Variants in CENPW observed in about 807,000 individuals in gnomAD.
CENPW encodes the protein centromere protein W, also known as cancer-up-regulated gene 2 protein.
CENPW carries 3 observed loss-of-function variants against 11.1 expected under a neutral mutation model. That is an observed-to-expected ratio of 0.27 (90% CI 0.12 to 0.70). The LOEUF is 0.70. CENPW is among the 30% of genes least tolerant of loss of function. CENPW has a pLI of 0.77. For missense variants in CENPW, 100 were observed against 105.6 expected, an observed-to-expected ratio of 0.95 and a Z score of 0.23; for synonymous variants, 38 against 42.0, an observed-to-expected ratio of 0.91 and a Z score of 0.37.
At chr6:126,392,523 G>A in the CENPW span, among the ~76,000 whole-genome samples, 6 of 151,866 alleles carry the variant, frequency 4.0e-5, no homozygotes, top group Non-Finnish European at 8.8e-5. Flanking sequence ...AAGAGATGTT[G>A]AATTTTATCA....
chr6:126,341,798 G>A (rs751617958), intron 1 of CENPW, among the ~76,000 whole-genome samples: 2 of 152,182 alleles, frequency 1.3e-5, no homozygotes, highest in Non-Finnish European at 2.9e-5. Context: ...GAGACCACTA[G>A]CTGGTGCAAA....
the CENPW span, among the ~76,000 whole-genome samples, chr6:126,417,343 G>A: frequency 2.6e-5 from 4 of 152,186 alleles, no homozygotes; most frequent in African/African-American, 9.7e-5. Context: ...TGTCACAGAT[G>A]AGACTTTGAC....
chr6:126,387,366 G>A, the CENPW span, among the ~76,000 whole-genome samples: 2 of 151,854 alleles, frequency 1.3e-5, no homozygotes, highest in African/African-American at 2.4e-5. Flanking sequence ...TTTCATATAC[G>A]GCGTAGCTTG....
downstream of CENPW, among the ~76,000 whole-genome samples, chr6:126,350,154 G>A (rs1780474273): frequency 6.6e-6 from 1 of 152,128 alleles, no homozygotes; most frequent in South Asian, 2.1e-4. Flanking sequence ...ATTTGGTAAT[G>A]TTACTATTTT....
chr6:126,451,285 A>G, the CENPW span, among the ~76,000 whole-genome samples: 2 of 150,902 alleles, frequency 1.3e-5, no homozygotes, highest in Non-Finnish European at 3.0e-5. Flanking sequence ...AAAATAATTG[A>G]GTACTCAGAA....
At chr6:126,410,242 T>C in the CENPW span, among the ~76,000 whole-genome samples, 1 of 152,156 alleles carries the variant, frequency 6.6e-6, no homozygotes, top group African/African-American at 2.4e-5. Context: ...TTCTTCCTCA[T>C]TGTTGAAGGA....
At chr6:126,371,506 A>G in the CENPW span, among the ~76,000 whole-genome samples, 1 of 152,062 alleles carries the variant, frequency 6.6e-6, no homozygotes, top group Non-Finnish European at 1.5e-5. Flanking sequence ...TTTGTTAAGG[A>G]TTTTTATATC....
the CENPW span, among the ~76,000 whole-genome samples, chr6:126,361,479 TAG>T: frequency 1.3e-5 from 2 of 152,140 alleles, no homozygotes; most frequent in Non-Finnish European, 2.9e-5. Context: ...GTATTTTTAG[TAG>T]AGACGGGGTT....
At chr6:126,374,119 G>A in the CENPW span, among the ~76,000 whole-genome samples, 1 of 152,232 alleles carries the variant, frequency 6.6e-6, no homozygotes, top group East Asian at 1.9e-4. Flanking sequence ...CCTCTGTTGG[G>A]AAGAACAGCA....
the CENPW span, among the ~76,000 whole-genome samples, chr6:126,444,361 T>C: frequency 6.6e-6 from 1 of 150,990 alleles, no homozygotes; most frequent in South Asian, 2.1e-4. Context: ...CTCATCACTT[T>C]CTTTTAAGTT....
intron 1 of CENPW, among the ~76,000 whole-genome samples, chr6:126,341,393 T>TC (rs1780307567): frequency 6.6e-6 from 1 of 152,182 alleles, no homozygotes; most frequent in Non-Finnish European, 1.5e-5. Flanking sequence ...CATTGGTTTT[T>TC]CTACCTCCTC....
chr6:126,388,028 G>A, the CENPW span, among the ~76,000 whole-genome samples: 2 of 151,812 alleles, frequency 1.3e-5, no homozygotes, highest in African/African-American at 4.8e-5. Context: ...CTTATACAAC[G>A]TTTCACCATA....
chr6:126,447,657 C>T, the CENPW span, among the ~76,000 whole-genome samples: 1 of 151,194 alleles, frequency 6.6e-6, no homozygotes. Flanking sequence ...TCCTGAGCAG[C>T]TTGCTCTGAC....
chr6:126,415,250 G>A, the CENPW span, among the ~76,000 whole-genome samples: 13 of 151,900 alleles, frequency 8.6e-5, no homozygotes, highest in African/African-American at 2.9e-4. Context: ...CTTGATTTTT[G>A]TTGTATATAT....
At chr6:126,427,705 A>T in the CENPW span, among the ~76,000 whole-genome samples, 4 of 152,158 alleles carry the variant, frequency 2.6e-5, no homozygotes, top group Non-Finnish European at 4.4e-5. Context: ...TCTATTTTTT[A>T]ATGTGCAACT....
At chr6:126,456,723 G>A in the CENPW span, among the ~76,000 whole-genome samples, 3 of 151,580 alleles carry the variant, frequency 2.0e-5, no homozygotes, top group African/African-American at 7.3e-5. Flanking sequence ...AAACTAAAGA[G>A]CTTCTGCACA....
chr6:126,387,399 T>A, the CENPW span, among the ~76,000 whole-genome samples: 1 of 151,966 alleles, frequency 6.6e-6, no homozygotes, highest in Non-Finnish European at 1.5e-5. Context: ...ATATCCCAAT[T>A]TCACGGAGGA....
At chr6:126,440,938 C>G in the CENPW span, among the ~76,000 whole-genome samples, 1 of 151,338 alleles carries the variant, frequency 6.6e-6, no homozygotes, top group African/African-American at 2.4e-5. Flanking sequence ...TAGACCACAA[C>G]GGAAGATATT....
the CENPW span, among the ~76,000 whole-genome samples, chr6:126,424,663 ATTGCATTTTTGG>A: frequency 6.6e-6 from 1 of 152,070 alleles, no homozygotes; most frequent in Non-Finnish European, 1.5e-5. Context: ...GTGCTCATGT[ATTGCATTTTTGG>A]AGGCAGCTGT....
Sources: allele counts gnomAD v4.1 joint callset (sites outside exome capture counted in the v4.1 genomes callset), GRCh38; gene constraint gnomAD v4.1.1; transcripts MANE v1.5; gene names NCBI Gene and HGNC (gene_info 2026-07-23, HGNC 2026-07-21).